Variants in PREX2 observed in about 807,000 individuals in gnomAD.
PREX2 encodes the protein phosphatidylinositol-3,4,5-trisphosphate dependent Rac exchange factor 2.
In PREX2, 107 loss-of-function variants were observed where a neutral mutation model predicts 203.2. The observed-to-expected ratio is 0.53, with a 90% CI of 0.45 to 0.62. PREX2 has a LOEUF of 0.62. Among genes scored for constraint, PREX2 ranks in the 20% least tolerant of loss-of-function variants. The pLI, the probability that PREX2 is intolerant of heterozygous loss-of-function variation, is 0.00. For synonymous variants in PREX2, 672 were observed against 663.6 expected (o/e 1.01, Z -0.19); for missense variants, 1,777 against 1,955.9 (o/e 0.91, Z 1.72).
In PREX2 at chr8:68,068,701, A is replaced by G. The variant is rs966318441; in HGVS notation, c.1340-332A>G. Among the ~76,000 whole-genome samples the G allele has an allele frequency of 9.2e-5, 14 of 152,130 alleles. No individual in the cohort carries two copies. The South Asian group carries it at 1.0e-3, about 11-fold the overall frequency. On this transcript the variant is annotated intron_variant, in intron 11 of 39. Transcript: ENST00000288368. ...GAAGAAACAGAAAACACAAAATCAT[A>G]TATTTATATAAATGTACACATTGTG... is the stretch of plus-strand genomic sequence containing the variant.
chr8:68,101,853 G>A (rs1810273477), intron 23 of PREX2, among the ~76,000 whole-genome samples: 1 of 152,240 alleles, frequency 6.6e-6, no homozygotes, highest in African/African-American at 2.4e-5. Context: ...GTAGCTTAAA[G>A]AAGTATACAT....
At chr8:68,106,609 T>C (rs562403907) in intron 23 of PREX2, among the ~76,000 whole-genome samples, 10 of 152,130 alleles carry the variant, frequency 6.6e-5, no homozygotes, top group African/African-American at 2.4e-4. Flanking sequence ...ATATCACATA[T>C]ATATATAATC....
At chr8:68,116,880 A>T (rs1810670590) in intron 26 of PREX2, among the ~76,000 whole-genome samples, 1 of 152,174 alleles carries the variant, frequency 6.6e-6, no homozygotes, top group African/African-American at 2.4e-5. Context: ...TTCCTACTAG[A>T]CTTCCAAATG....
At chr8:68,220,449 C>G (rs2129615383) in intron 38 of PREX2, 1 of 152,248 alleles carries the variant, frequency 6.6e-6, no homozygotes, top group East Asian at 1.9e-4. Flanking sequence ...AATGTCTTCT[C>G]AACCTTTTTA....
intron 1 of PREX2, among the ~76,000 whole-genome samples, chr8:67,963,912 G>C (rs2129017768): frequency 6.6e-6 from 1 of 152,184 alleles, no homozygotes; most frequent in Non-Finnish European, 1.5e-5. Context: ...TGTTCCAGTG[G>C]GGTTAGCCGC....
rs779850451 is a variant in PREX2 at position 68,099,843 on chromosome 8, G to A, written c.2715G>A (p.Lys905=). The A allele has an allele frequency of 2.1e-5, 33 of 1,604,666 alleles. No homozygotes were observed. In the South Asian group the frequency reaches 3.6e-4, roughly 18 times the overall value. ...HLCQRISSYK[K]FSRVLKNRAW... is the part of the protein sequence containing the mutation. ...GTCAGAGAATATCCAGTTATAAAAAGGTAAGTGTTCTATTGATTTTATACA... is the reference window on the plus strand; with the variant it reads ...GTCAGAGAATATCCAGTTATAAAAAAGTAAGTGTTCTATTGATTTTATACA... The change falls in exon 23 of 40, where the codon AAG becomes AAA. Residue 905 remains lysine (K), a splice_region_variant and synonymous_variant. Transcript: ENST00000288368.
intron 1 of PREX2, among the ~76,000 whole-genome samples, chr8:68,010,245 C>G (rs1441126348): frequency 6.6e-6 from 1 of 152,194 alleles, no homozygotes; most frequent in African/African-American, 2.4e-5. Context: ...AAAAGATCCA[C>G]TACATTGTGG....
intron 34 of PREX2, among the ~76,000 whole-genome samples, chr8:68,146,733 CAAT>C (rs1249006412): frequency 2.6e-5 from 4 of 152,110 alleles, no homozygotes; most frequent in Non-Finnish European, 5.9e-5. Flanking sequence ...ACTTTAGTCT[CAAT>C]TATATCACAC....
chr8:67,960,035 TTTAATTAA>T (rs145839477), intron 1 of PREX2, among the ~76,000 whole-genome samples: 24 of 150,482 alleles, frequency 1.6e-4, no homozygotes, highest in Admixed American at 4.6e-4. Context: ...TTCTTTTCTT[TTTAATTAA>T]TTAATTAATT....
chr8:68,227,501 C>T (rs1408143165), intron 39 of PREX2, among the ~76,000 whole-genome samples: 1 of 152,124 alleles, frequency 6.6e-6, no homozygotes, highest in East Asian at 1.9e-4. Flanking sequence ...CAGTGGAATA[C>T]ACTGGTCAAA....
At chr8:68,155,658 C>T (rs557048182) in intron 34 of PREX2, among the ~76,000 whole-genome samples, 9 of 152,260 alleles carry the variant, frequency 5.9e-5, no homozygotes, top group African/African-American at 1.9e-4. Context: ...AATTGAGGCT[C>T]ATAAGTAGTG....
chr8:68,217,228 G>A (rs1466979857), intron 37 of PREX2, among the ~76,000 whole-genome samples: 2 of 152,094 alleles, frequency 1.3e-5, no homozygotes, highest in African/African-American at 4.8e-5. Flanking sequence ...GCACAAATCA[G>A]TATAAATCTA....
chr8:67,972,711 T>A (rs1214041970), intron 1 of PREX2, among the ~76,000 whole-genome samples: 2 of 152,158 alleles, frequency 1.3e-5, no homozygotes, highest in South Asian at 4.1e-4. Context: ...TTTCTAACTT[T>A]CATTTCTTAC....
At chr8:68,161,639 G>A (rs1472869400) in intron 35 of PREX2, among the ~76,000 whole-genome samples, 1 of 151,490 alleles carries the variant, frequency 6.6e-6, no homozygotes, top group Non-Finnish European at 1.5e-5. Context: ...TTTTACCATA[G>A]GACAAAAATT....
chr8:68,139,070 T>A (rs754465873), intron 33 of PREX2, among the ~76,000 whole-genome samples: 1 of 152,194 alleles, frequency 6.6e-6, no homozygotes, highest in Non-Finnish European at 1.5e-5. Flanking sequence ...GGTGTTGGAT[T>A]CAGTAGAGAA....
chr8:67,993,412 C>T (rs57878934), intron 1 of PREX2, among the ~76,000 whole-genome samples: 72,065 of 132,366 alleles, frequency 0.54, 18,123 homozygotes, highest in South Asian at 0.65. Context: ...TTTTTTTTTT[C>T]TTTTTTTTTT....
intron 23 of PREX2, chr8:68,105,201 G>A (rs773247636): frequency 7.3e-7 from 1 of 1,367,666 alleles, no homozygotes; most frequent in Non-Finnish European, 9.8e-7. Context: ...GCACAGTTTT[G>A]ATCTTCACAG....
chr8:67,965,665 G>T (rs1805750663), intron 1 of PREX2, among the ~76,000 whole-genome samples: 2 of 152,090 alleles, frequency 1.3e-5, no homozygotes, highest in Admixed American at 1.3e-4. Flanking sequence ...TGTTAAAAAT[G>T]ATCACTATTC....
chr8:68,020,333 C>CAA (rs67292795), intron 3 of PREX2, among the ~76,000 whole-genome samples: 1,419 of 106,058 alleles, frequency 0.013, 26 homozygotes, highest in Middle Eastern at 0.032. Context: ...GCATTCACAC[C>CAA]AAAAAAAAAA....
Sources: allele counts gnomAD v4.1 joint callset (sites outside exome capture counted in the v4.1 genomes callset), GRCh38; gene constraint gnomAD v4.1.1; transcripts MANE v1.5; gene names NCBI Gene and HGNC (gene_info 2026-07-23, HGNC 2026-07-21).